Variants in GALK2 observed in about 807,000 individuals in gnomAD.
GALK2 encodes N-acetylgalactosamine kinase.
In GALK2, 36 loss-of-function variants were observed where a neutral mutation model predicts 52.4. That is an observed-to-expected ratio of 0.69 (90% CI 0.53 to 0.91). The LOEUF (loss-of-function observed/expected upper bound fraction) is 0.91. Among genes scored for constraint, GALK2 ranks in the 40% least tolerant of loss-of-function variants. The pLI, the probability that GALK2 is intolerant of heterozygous loss-of-function variation, is 0.00. For synonymous variants in GALK2, 176 were observed against 199.1 expected, an observed-to-expected ratio of 0.88 and a Z score of 0.98; for missense variants, 579 against 559.1, an observed-to-expected ratio of 1.04 and a Z score of -0.36.
At position 49,328,970 on chromosome 15, in the gene GALK2, A is replaced by G; in HGVS notation, c.*811A>G. 1 of 1,054,620 alleles carries G rather than the reference A, an allele frequency of 9.5e-7. No individual in the cohort carries two copies. Among genetic ancestry groups the G allele is most frequent in the Non-Finnish European group, 1.2e-6 (1 of 866,968 alleles). The allele number at this position is 1,054,620 out of a possible 1,614,324, so 65.3% of individuals were successfully genotyped here. ...CACATTGAAATAAAGAATTATCTAG[A>G]TGATAATTCAGATAATTCAGTTTGT... On this transcript the variant is annotated 3_prime_UTR_variant, in exon 10 of 10. Transcript: ENST00000560031.
Position 49,290,809 on chromosome 15 carries a change from C to T in GALK2, c.757-1518C>T, listed in dbSNP as rs148883530. On this transcript the variant is annotated intron_variant, in intron 7 of 9. Transcript: ENST00000560031. ...TTGAAATGCGTTTCTAAGACTTGAT[C>T]GGTGATTTTAATTCATGTGGGTAAC... Among the ~76,000 whole-genome samples the T allele has an allele frequency of 1.8e-4, 27 of 152,232 alleles. 1 individual carries two copies. In the East Asian group the frequency reaches 2.1e-3, roughly 12 times the overall value.
chr15:49,192,779 T>C (rs2086866753), intron 1 of GALK2, among the ~76,000 whole-genome samples: 1 of 151,702 alleles, frequency 6.6e-6, no homozygotes, highest in Non-Finnish European at 1.5e-5. Flanking sequence ...TATCTAAAAG[T>C]TAAGGCTGAA....
downstream of GALK2, among the ~76,000 whole-genome samples, chr15:49,332,896 A>C (rs2039052383): frequency 6.6e-6 from 1 of 152,162 alleles, no homozygotes; most frequent in African/African-American, 2.4e-5. Flanking sequence ...TGTGACTGGT[A>C]CATGCCCCCT....
rs2038029299 is a variant in GALK2, at chr15:49,328,910, A to AACTT, written c.*753_*756dup. The AACTT allele has an allele frequency of 8.1e-7, 1 of 1,228,724 alleles. No homozygotes were observed. Among genetic ancestry groups the AACTT allele is most frequent in the Non-Finnish European group, 1.0e-6 (1 of 977,816 alleles). The allele number at this position is 1,228,724 out of a possible 1,614,324, so 76.1% of individuals were successfully genotyped here. On this transcript the variant is annotated 3_prime_UTR_variant, in exon 10 of 10. Coordinates refer to ENST00000560031, the MANE Select transcript of GALK2 (RefSeq NM_002044.4). ...AGCTATCTCCATTACTTAATAGAAA[A>AACTT]ACTTAGATAAAAAACACTTTAAGAC... is the stretch of plus-strand genomic sequence containing the variant.
intron 8 of GALK2, chr15:49,318,161 A>G (rs2036574719): frequency 6.6e-6 from 1 of 152,182 alleles, no homozygotes; most frequent in Non-Finnish European, 1.5e-5. Context: ...CCACCACACC[A>G]GCTCAGCAAC....
Position 49,310,738 on chromosome 15 carries a change from G to T in GALK2, c.968-8866G>T, listed in dbSNP as rs112733867. On this transcript the variant is annotated intron_variant, in intron 8 of 9. Coordinates refer to ENST00000560031, the MANE Select transcript of GALK2 (RefSeq NM_002044.4). Reference sequence around the variant, plus strand: ...TGCCTATTTTTTAATTGGATTTTTTGTTGTTGTTGTTGTTGAGTTGTTTGA... The same window carrying T: ...TGCCTATTTTTTAATTGGATTTTTTTTTGTTGTTGTTGTTGAGTTGTTTGA... Among the ~76,000 whole-genome samples, 97 of 151,878 alleles carry T rather than the reference G, an allele frequency of 6.4e-4. 1 individual carries two copies. The highest frequency in any genetic ancestry group is 2.3e-3 in the East Asian group (12 of 5,160).
At chr15:49,219,646 T>C (rs900340615) in intron 3 of GALK2, among the ~76,000 whole-genome samples, 1 of 152,018 alleles carries the variant, frequency 6.6e-6, no homozygotes, top group African/African-American at 2.4e-5. Flanking sequence ...TTGTCTCCAC[T>C]AAGAATACAA....
At chr15:49,352,548 T>A (rs1008824962) in intron 3 of GALK2, among the ~76,000 whole-genome samples, 1 of 152,214 alleles carries the variant, frequency 6.6e-6, no homozygotes, top group African/African-American at 2.4e-5. Context: ...TATTTTTCTT[T>A]ATCTAGGCTT....
intron 3 of GALK2, among the ~76,000 whole-genome samples, chr15:49,229,322 G>A (rs921793135): frequency 6.6e-6 from 1 of 152,164 alleles, no homozygotes; most frequent in Non-Finnish European, 1.5e-5. Context: ...CAGTGAGCTG[G>A]GTGAGTGGCT....
chr15:49,308,259 C>T (rs1358142179), intron 8 of GALK2, among the ~76,000 whole-genome samples: 1 of 152,108 alleles, frequency 6.6e-6, no homozygotes, highest in Admixed American at 6.6e-5. Flanking sequence ...TCTTGGAAAC[C>T]AACTTTTGGT....
chr15:49,261,675 G>T (rs1384388925), intron 5 of GALK2, among the ~76,000 whole-genome samples: 1 of 151,712 alleles, frequency 6.6e-6, no homozygotes, highest in Admixed American at 6.6e-5. Flanking sequence ...TCCAGTTTTT[G>T]CCCATTCAGT....
chr15:49,262,813 C>T (rs200735471), intron 5 of GALK2, among the ~76,000 whole-genome samples: 8,619 of 147,764 alleles, frequency 0.058, 519 homozygotes, highest in African/African-American at 0.14. Flanking sequence ...TTTCTACCTT[C>T]ATTTCATTAT....
At chr15:49,276,970 C>CTTTTTTTTTTTTTTT (rs1233754984) in intron 5 of GALK2, among the ~76,000 whole-genome samples, 8 of 28,320 alleles carry the variant, frequency 2.8e-4, no homozygotes, top group East Asian at 1.3e-3. Context: ...TTTTTCTTTT[C>CTTTTTTTTTTTTTTT]TTTTTTTTTT....
At chr15:49,223,298 A>G (rs1452899278) in intron 3 of GALK2, 1 of 152,074 alleles carries the variant, frequency 6.6e-6, no homozygotes, top group Non-Finnish European at 1.5e-5. Context: ...TAATCTGGCT[A>G]GCAGTTTATC....
chr15:49,165,993 G>A (rs890131201), upstream of GALK2, among the ~76,000 whole-genome samples: 15 of 151,746 alleles, frequency 9.9e-5, no homozygotes, highest in Non-Finnish European at 2.2e-4. Context: ...TAGTAGAGAT[G>A]GGGTTTCACT....
chr15:49,255,059 A>G (rs764972049), intron 5 of GALK2, among the ~76,000 whole-genome samples: 1 of 143,582 alleles, frequency 7.0e-6, no homozygotes, highest in Non-Finnish European at 1.6e-5. Flanking sequence ...ATCAATATTC[A>G]TCCCCTCAAA....
intron 5 of GALK2, among the ~76,000 whole-genome samples, chr15:49,255,861 C>T (rs1452882971): frequency 6.6e-6 from 1 of 152,010 alleles, no homozygotes; most frequent in African/African-American, 2.4e-5. Flanking sequence ...ACTTAAAAAT[C>T]ACAAATTCTC....
At chr15:49,219,767 C>T (rs373970486) in intron 3 of GALK2, among the ~76,000 whole-genome samples, 152 of 152,214 alleles carry the variant, frequency 1.0e-3, no homozygotes, top group Non-Finnish European at 1.7e-3. Flanking sequence ...GCCAAGATTG[C>T]GCCACTGCGC....
chr15:49,295,786 A>C (rs2034421774), intron 8 of GALK2, among the ~76,000 whole-genome samples: 1 of 152,200 alleles, frequency 6.6e-6, no homozygotes, highest in South Asian at 2.1e-4. Flanking sequence ...TCTGAAATGC[A>C]GTTTCTACCT....
Sources: allele counts gnomAD v4.1 joint callset (sites outside exome capture counted in the v4.1 genomes callset), GRCh38; gene constraint gnomAD v4.1.1; transcripts MANE v1.5; gene names NCBI Gene and HGNC (gene_info 2026-07-23, HGNC 2026-07-21).